Variants in EPHA6 observed in about 807,000 individuals in gnomAD.
EPHA6 encodes EPH receptor A6.
A neutral mutation model predicts 112.0 loss-of-function variants in EPHA6; 50 were observed. The observed-to-expected ratio is 0.45, with a 90% CI of 0.36 to 0.56. The LOEUF (loss-of-function observed/expected upper bound fraction) is 0.56, where lower values mean the gene tolerates loss of function less well. EPHA6 is among the 20% of genes least tolerant of loss of function. The pLI is 0.00. For synonymous variants in EPHA6, 529 were observed against 490.7 expected (o/e 1.08, Z -1.03); for missense variants, 1,280 against 1,417.4 (o/e 0.90, Z 1.56).
chr3:97,736,492 T>TGA (rs2035267177), intron 16 of EPHA6, among the ~76,000 whole-genome samples: 1 of 151,530 alleles, frequency 6.6e-6, no homozygotes, highest in Non-Finnish European at 1.5e-5. Flanking sequence ...TGTGTGTGTG[T>TGA]GTGTGTGTGT....
At chr3:97,530,797 A>G (rs568028903) in intron 10 of EPHA6, among the ~76,000 whole-genome samples, 1 of 152,056 alleles carries the variant, frequency 6.6e-6, no homozygotes, top group Non-Finnish European at 1.5e-5. Flanking sequence ...ATTTTTTGGA[A>G]GCAAAGTTAC....
chr3:97,136,950 CAT>C (rs1435442192), intron 3 of EPHA6, among the ~76,000 whole-genome samples: 1 of 152,004 alleles, frequency 6.6e-6, no homozygotes, highest in African/African-American at 2.4e-5. Flanking sequence ...AAGAAAATAA[CAT>C]AAAAATATGC....
intron 5 of EPHA6, among the ~76,000 whole-genome samples, chr3:97,269,992 T>C (rs1277127671): frequency 1.3e-5 from 2 of 152,248 alleles, no homozygotes; most frequent in African/African-American, 2.4e-5. Context: ...AATTTTCTTT[T>C]GTTAAAATGC....
chr3:96,888,508 G>C (rs560308257), intron 2 of EPHA6, among the ~76,000 whole-genome samples: 2 of 152,102 alleles, frequency 1.3e-5, no homozygotes, highest in Non-Finnish European at 2.9e-5. Context: ...CTTGACTTCT[G>C]TGCACTGGCA....
chr3:97,242,017 G>T lies in EPHA6; in HGVS notation c.1271-1935G>T, dbSNP rs540406594. 2.6e-5 allele frequency among the ~76,000 whole-genome samples: 4 copies of T among 151,712 alleles called. No homozygotes were observed. The South Asian group carries it at 8.3e-4, about 31-fold the overall frequency. ...GAGGTAAAAAGCTACGTTTATCCCT[G>T]TTCTCTAGTGTATCATCCCCTTCAT... On this transcript the variant is annotated intron_variant, in intron 4 of 17. Transcript: ENST00000389672.
chr3:96,953,348 T>A (rs150691824), intron 2 of EPHA6, among the ~76,000 whole-genome samples: 1 of 152,320 alleles, frequency 6.6e-6, no homozygotes, highest in Admixed American at 6.5e-5. Flanking sequence ...TTGCCAGAAT[T>A]GTATTTGTTT....
At chr3:97,598,178 C>T (rs1324514149) in intron 12 of EPHA6, among the ~76,000 whole-genome samples, 2 of 150,114 alleles carry the variant, frequency 1.3e-5, no homozygotes, top group Non-Finnish European at 3.0e-5. Flanking sequence ...TTTGGAGACA[C>T]CTGTTTGTTT....
At chr3:97,506,474 T>C (rs2092255469) in intron 10 of EPHA6, among the ~76,000 whole-genome samples, 1 of 152,220 alleles carries the variant, frequency 6.6e-6, no homozygotes, top group African/African-American at 2.4e-5. Flanking sequence ...GTAAGGCTTG[T>C]CAAAGAACAG....
chr3:97,609,311 C>T (rs1221613773), intron 12 of EPHA6, among the ~76,000 whole-genome samples: 1 of 151,296 alleles, frequency 6.6e-6, no homozygotes, highest in Non-Finnish European at 1.5e-5. Context: ...CTTGCTACCT[C>T]AGTGTTTCTA....
chr3:97,254,316 G>T (rs1559830464), intron 5 of EPHA6, among the ~76,000 whole-genome samples: 1 of 152,124 alleles, frequency 6.6e-6, no homozygotes. Context: ...AGCCTCCCAA[G>T]TAGCTGGGAC....
At chr3:96,819,931 A>C (rs1407651368) in intron 1 of EPHA6, among the ~76,000 whole-genome samples, 2 of 152,144 alleles carry the variant, frequency 1.3e-5, no homozygotes, top group African/African-American at 2.4e-5. Context: ...CAACAAAGAC[A>C]CTGAGAAAGT....
chr3:97,028,553 G>GA (rs551284206), intron 3 of EPHA6, among the ~76,000 whole-genome samples: 1 of 151,806 alleles, frequency 6.6e-6, no homozygotes, highest in Non-Finnish European at 1.5e-5. Context: ...TCTTTCCAAG[G>GA]AAAAAAATTG....
At chr3:97,075,267 A>T (rs1306284173) in intron 3 of EPHA6, among the ~76,000 whole-genome samples, 1 of 152,022 alleles carries the variant, frequency 6.6e-6, no homozygotes, top group South Asian at 2.1e-4. Context: ...TTTTTTACTC[A>T]TTCAAAAATA....
intron 3 of EPHA6, among the ~76,000 whole-genome samples, chr3:97,203,761 C>T (rs888478713): frequency 1.3e-5 from 2 of 152,056 alleles, no homozygotes; most frequent in African/African-American, 2.4e-5. Context: ...GTCCTGTCTC[C>T]TCATTTGTAA....
At chr3:97,131,179 A>G (rs1431217856) in intron 3 of EPHA6, among the ~76,000 whole-genome samples, 1 of 152,150 alleles carries the variant, frequency 6.6e-6, no homozygotes, top group East Asian at 1.9e-4. Flanking sequence ...TTTTAGATAT[A>G]TAATGTAAAA....
rs544423884 is a variant in EPHA6 at position 96,983,076 on chromosome 3, T to G, written c.451-4254T>G. On this transcript the variant is annotated intron_variant, in intron 2 of 17. Coordinates refer to ENST00000389672, the MANE Select transcript of EPHA6 (RefSeq NM_001080448.3). ...CATTTAAGGTTAATATTGTTATGTG[T>G]GAATTTGATCCTGTCATTATGATGT... Among the ~76,000 whole-genome samples the G allele has an allele frequency of 5.3e-5, 8 of 152,324 alleles. No individual in the cohort carries two copies. The East Asian group carries it at 1.5e-3, about 29-fold the overall frequency.
At chr3:96,976,396 A>T (rs979928968) in intron 2 of EPHA6, among the ~76,000 whole-genome samples, 1 of 152,154 alleles carries the variant, frequency 6.6e-6, no homozygotes, top group African/African-American at 2.4e-5. Flanking sequence ...AGATTGTTAC[A>T]CTTAAACCTG....
intron 14 of EPHA6, among the ~76,000 whole-genome samples, chr3:97,717,231 C>CAAAAAAAA (rs748817650): frequency 2.0e-5 from 1 of 48,794 alleles, no homozygotes; most frequent in Non-Finnish European, 5.1e-5. Flanking sequence ...AACTCCATCT[C>CAAAAAAAA]AAAAAAAAAA....
chr3:97,480,772 G>T (rs1435497948), intron 9 of EPHA6, among the ~76,000 whole-genome samples: 1 of 152,142 alleles, frequency 6.6e-6, no homozygotes, highest in Non-Finnish European at 1.5e-5. Context: ...GGTGGCGGCC[G>T]GGCAGAGGGG....
Sources: gnomAD v4.1 joint callset for allele counts (sites outside exome capture counted in the v4.1 genomes callset) on GRCh38, gnomAD v4.1.1 for gene constraint, MANE v1.5 for transcripts, NCBI Gene and HGNC (gene_info 2026-07-23, HGNC 2026-07-21) for gene names.